Variants in ANKRD6 observed in about 807,000 individuals in gnomAD.
ANKRD6 encodes the protein ankyrin repeat domain 6, also known as ankyrin repeat domain-containing protein 6.
In ANKRD6, 56 loss-of-function variants were observed where a neutral mutation model predicts 82.3. The observed-to-expected ratio is 0.68, with a 90% CI of 0.55 to 0.85. The LOEUF is 0.85. Ranked by LOEUF, ANKRD6 falls within the 40% of genes least tolerant of loss-of-function variation. The probability of loss-of-function intolerance (pLI) is 0.00; values close to 1 mark genes in which losing one functional copy is unlikely to be tolerated. For missense variants in ANKRD6, 852 were observed against 907.6 expected (o/e 0.94, Z 0.79); for synonymous variants, 347 against 352.1 (o/e 0.99, Z 0.16).
intron 2 of ANKRD6, among the ~76,000 whole-genome samples, chr6:89,593,241 C>CA: frequency 6.6e-6 from 1 of 152,300 alleles, no homozygotes; most frequent in African/African-American, 2.4e-5. Context: ...ATGAACTCCC[C>CA]TGTGTTTCAG....
At chr6:89,598,065 A>C in intron 3 of ANKRD6, 3 of 971,136 alleles carry the variant, frequency 3.1e-6, no homozygotes, top group Non-Finnish European at 3.7e-6. Context: ...TGATATGAAG[A>C]ATTTACTCCT....
chr6:89,475,555 C>T (rs1030290523), intron 1 of ANKRD6, among the ~76,000 whole-genome samples: 2 of 152,108 alleles, frequency 1.3e-5, no homozygotes, highest in Non-Finnish European at 2.9e-5. Flanking sequence ...AATAGAAAAA[C>T]TGGGCAACAA....
At chr6:89,578,421 G>T (rs1422154208) in intron 2 of ANKRD6, among the ~76,000 whole-genome samples, 1 of 149,158 alleles carries the variant, frequency 6.7e-6, no homozygotes, top group African/African-American at 2.5e-5. Context: ...TCAGCCTCTT[G>T]AGTAGCTGGG....
chr6:89,546,328 A>G (rs992959266), intron 1 of ANKRD6, among the ~76,000 whole-genome samples: 7 of 152,212 alleles, frequency 4.6e-5, no homozygotes, highest in African/African-American at 1.7e-4. Flanking sequence ...CTTAAGAAAT[A>G]TATATACCAG....
At chr6:89,451,157 A>C (rs1772763767) in intron 1 of ANKRD6, among the ~76,000 whole-genome samples, 1 of 152,042 alleles carries the variant, frequency 6.6e-6, no homozygotes. Flanking sequence ...AAAATACAAA[A>C]AGTTAGTAGG....
At chr6:89,483,432 G>A (rs1429026207) in intron 1 of ANKRD6, 1 of 152,362 alleles carries the variant, frequency 6.6e-6, no homozygotes, top group Non-Finnish European at 1.5e-5. Context: ...ACATGTAAAT[G>A]TCAGAGAGGC....
intron 3 of ANKRD6, chr6:89,601,851 A>T (rs917793873): frequency 6.6e-6 from 1 of 152,198 alleles, no homozygotes; most frequent in African/African-American, 2.4e-5. Context: ...GTAGCAGTGC[A>T]TCCTTCTTTT....
chr6:89,604,597 C>T (rs1045404517), intron 4 of ANKRD6, among the ~76,000 whole-genome samples: 12 of 152,134 alleles, frequency 7.9e-5, no homozygotes, highest in African/African-American at 2.9e-4. Context: ...TTGAATTTCA[C>T]TAGCAGAACA....
At chr6:89,454,941 A>G (rs139369823) in intron 1 of ANKRD6, among the ~76,000 whole-genome samples, 170 of 152,222 alleles carry the variant, frequency 1.1e-3, no homozygotes, top group Non-Finnish European at 1.8e-3. Context: ...CCTGGGTTCA[A>G]GCGATTCTCT....
At chr6:89,523,904 T>G (rs1428161953) in intron 1 of ANKRD6, among the ~76,000 whole-genome samples, 1 of 152,172 alleles carries the variant, frequency 6.6e-6, no homozygotes, top group Non-Finnish European at 1.5e-5. Flanking sequence ...GCAAATTCTC[T>G]GCCTCCATCT....
At position 89,496,291 on chromosome 6, in the gene ANKRD6, G is replaced by T. The variant is rs1051059632; in HGVS notation, c.-144+62916G>T. Among the ~76,000 whole-genome samples, 15 of 152,046 alleles carry T rather than the reference G, an allele frequency of 9.9e-5. No individual in the cohort carries two copies. The South Asian group carries it at 2.3e-3, about 23-fold the overall frequency. ...AGGGGTGTGAGGTCTTCTAGGGTAC[G>T]CCGTAAGTGAGGTTCTGTTGGAATG... On this transcript the variant is annotated intron_variant, in intron 1 of 15. Coordinates refer to ENST00000339746, the MANE Select transcript of ANKRD6 (RefSeq NM_001242809.2).
chr6:89,492,794 CT>C (rs1307219723), intron 1 of ANKRD6, among the ~76,000 whole-genome samples: 8 of 151,886 alleles, frequency 5.3e-5, no homozygotes, highest in African/African-American at 1.7e-4. Context: ...CATTTGGTAC[CT>C]TTTTTTTCTT....
At chr6:89,606,730 C>T (rs1798705419) in intron 5 of ANKRD6, among the ~76,000 whole-genome samples, 1 of 151,728 alleles carries the variant, frequency 6.6e-6, no homozygotes, top group African/African-American at 2.4e-5. Context: ...GTGGCTCATG[C>T]CTGTAGTCCC....
rs886737195 is a variant in ANKRD6 at position 89,521,649 on chromosome 6, G to A, written c.-143-45185G>A. Among the ~76,000 whole-genome samples the A allele has an allele frequency of 1.2e-4, 19 of 152,300 alleles. No individual in the cohort carries two copies. In the East Asian group the frequency reaches 3.5e-3, roughly 28 times the overall value. On this transcript the variant is annotated intron_variant, in intron 1 of 15. Coordinates refer to ENST00000339746, the MANE Select transcript of ANKRD6 (RefSeq NM_001242809.2). The stretch of plus-strand genomic sequence containing the variant: ...TTACTAATCCAGGGGAGAGGTGAGA[G>A]GTGACGTTTTAGATTAGGGCAGAGA...
At chr6:89,599,849 A>G (rs1342121922) in intron 3 of ANKRD6, among the ~76,000 whole-genome samples, 3 of 152,098 alleles carry the variant, frequency 2.0e-5, no homozygotes, top group African/African-American at 7.2e-5. Flanking sequence ...CAGCACAGCT[A>G]GCAGTACAGC....
rs192025337 is a variant in ANKRD6 at position 89,519,348 on chromosome 6, A to G, written c.-143-47486A>G. On this transcript the variant is annotated intron_variant, in intron 1 of 15. Transcript: ENST00000339746. ...AGAAGCCCAGCTAAGACACAATACC[A>G]GTTGGATTTTGGCCTGGTAGTATAG... Among the ~76,000 whole-genome samples, 291 of 152,350 alleles carry G rather than the reference A, an allele frequency of 1.9e-3. 1 individual carries two copies. The highest frequency in any genetic ancestry group is 6.7e-3 in the African/African-American group (280 of 41,574).
chr6:89,537,895 A>G (rs55915004), intron 1 of ANKRD6, among the ~76,000 whole-genome samples: 3 of 137,920 alleles, frequency 2.2e-5, no homozygotes, highest in Non-Finnish European at 4.9e-5. Context: ...AAAAAAAAAA[A>G]AAAAAGAAAA....
chr6:89,624,653 A>G lies in ANKRD6; in HGVS notation c.1333A>G (p.Thr445Ala). Residue 445 changes from threonine to alanine, a missense_variant, in exon 13 of 16, where the codon ACA (threonine) becomes GCA (alanine). Physicochemically the swap from Thr to Ala is moderately conservative, Grantham distance 58. Coordinates refer to ENST00000339746, the MANE Select transcript of ANKRD6 (RefSeq NM_001242809.2). ...GGGATCGGTTCAGGACAAAATGAATACAAAGCTGGGGCAGATGGAGAATAA... is the reference window on the plus strand; with the variant it reads ...GGGATCGGTTCAGGACAAAATGAATGCAAAGCTGGGGCAGATGGAGAATAA... Reference protein sequence around the residue: ...ELGSVQDKMNTKLGQMENKTQ... With the variant: ...ELGSVQDKMNAKLGQMENKTQ... 2 of 1,597,528 alleles carry G rather than the reference A, an allele frequency of 1.3e-6. No homozygotes were observed. The highest frequency in any genetic ancestry group is 1.7e-6 in the Non-Finnish European group (2 of 1,171,728).
chr6:89,545,226 A>AAAAAG (rs1175293304), intron 1 of ANKRD6, among the ~76,000 whole-genome samples: 31 of 149,202 alleles, frequency 2.1e-4, no homozygotes, highest in Non-Finnish European at 2.8e-4. Context: ...AAAAAAAAAA[A>AAAAAG]AAAAGAAAAG....
Sources: gnomAD v4.1 joint callset for allele counts (sites outside exome capture counted in the v4.1 genomes callset) on GRCh38, gnomAD v4.1.1 for gene constraint, MANE v1.5 for transcripts, NCBI Gene and HGNC (gene_info 2026-07-23, HGNC 2026-07-21) for gene names.